Variants in CLYBL observed in about 807,000 individuals in gnomAD.
CLYBL encodes the protein citramalyl-CoA lyase, mitochondrial.
In CLYBL, 31 loss-of-function variants were observed where a neutral mutation model predicts 38.9. That is an observed-to-expected ratio of 0.80 (90% CI 0.60 to 1.08). The LOEUF is 1.08. CLYBL is among the 50% of genes least tolerant of loss of function. The probability of loss-of-function intolerance (pLI) is 0.00; values close to 1 mark genes in which losing one functional copy is unlikely to be tolerated. For missense variants in CLYBL, 434 were observed against 411.6 expected, an observed-to-expected ratio of 1.05 and a Z score of -0.47; for synonymous variants, 171 against 158.6, an observed-to-expected ratio of 1.08 and a Z score of -0.59.
At chr13:99,745,888 G>GAAA (rs11419451) in intron 1 of CLYBL, among the ~76,000 whole-genome samples, 1 of 147,708 alleles carries the variant, frequency 6.8e-6, no homozygotes, top group Non-Finnish European at 1.5e-5. Context: ...TGGCTAAATA[G>GAAA]AAAAAAAAAA....
intron 2 of CLYBL, among the ~76,000 whole-genome samples, chr13:99,774,388 G>A (rs1000165353): frequency 6.6e-6 from 1 of 152,154 alleles, no homozygotes; most frequent in Non-Finnish European, 1.5e-5. Flanking sequence ...GATTAGTTGA[G>A]ATATATAAAT....
intron 2 of CLYBL, among the ~76,000 whole-genome samples, chr13:99,787,661 T>TTCCTA (rs1566327222): frequency 1.3e-5 from 2 of 152,230 alleles, no homozygotes; most frequent in African/African-American, 4.8e-5. Context: ...TCTTTTGGCT[T>TTCCTA]AGGATTGACT....
intron 1 of CLYBL, among the ~76,000 whole-genome samples, chr13:99,655,608 T>G (rs1348645481): frequency 1.3e-5 from 2 of 152,192 alleles, no homozygotes; most frequent in African/African-American, 4.8e-5. Flanking sequence ...TTCATCCCAC[T>G]AAATAACACA....
At chr13:99,705,602 C>G (rs972969122) in intron 1 of CLYBL, among the ~76,000 whole-genome samples, 4 of 151,854 alleles carry the variant, frequency 2.6e-5, no homozygotes, top group African/African-American at 9.7e-5. Context: ...AATTCTGATA[C>G]CTGCTATAAC....
intron 1 of CLYBL, among the ~76,000 whole-genome samples, chr13:99,674,299 G>A (rs559754556): frequency 8.6e-5 from 13 of 151,652 alleles, no homozygotes; most frequent in African/African-American, 2.7e-4. Context: ...TTACAGGCAC[G>A]TGCCACCATG....
At chr13:99,733,944 A>C (rs2048629364) in intron 1 of CLYBL, among the ~76,000 whole-genome samples, 2 of 152,208 alleles carry the variant, frequency 1.3e-5, no homozygotes, top group South Asian at 4.1e-4. Flanking sequence ...GAAAGAAGAA[A>C]GTTCTAATGG....
chr13:99,835,770 T>C (rs765522344), intron 2 of CLYBL, among the ~76,000 whole-genome samples: 36 of 152,172 alleles, frequency 2.4e-4, no homozygotes, highest in Non-Finnish European at 3.1e-4. Flanking sequence ...AAGGCCTTTT[T>C]CCCCCAGCAA....
chr13:99,838,194 A>G (rs1336339179), intron 2 of CLYBL, among the ~76,000 whole-genome samples: 1 of 152,214 alleles, frequency 6.6e-6, no homozygotes, highest in Non-Finnish European at 1.5e-5. Flanking sequence ...GAAAGCTTTT[A>G]TATTTAAAAC....
intron 1 of CLYBL, among the ~76,000 whole-genome samples, chr13:99,770,076 C>CTTTTTTTTTTTTTT (rs68172402): frequency 2.5e-5 from 3 of 121,962 alleles, no homozygotes; most frequent in Middle Eastern, 4.7e-3. Flanking sequence ...TTTTTCTTTT[C>CTTTTTTTTTTTTTT]TTTCTTTTTT....
intron 7 of CLYBL, among the ~76,000 whole-genome samples, chr13:99,883,140 C>T (rs1039511946): frequency 2.0e-5 from 3 of 152,170 alleles, no homozygotes; most frequent in Non-Finnish European, 4.4e-5. Flanking sequence ...GTAGCAAGAA[C>T]AGGAACCCCA....
chr13:99,769,698 C>T (rs534216344), intron 1 of CLYBL, among the ~76,000 whole-genome samples: 1 of 152,256 alleles, frequency 6.6e-6, no homozygotes, highest in African/African-American at 2.4e-5. Flanking sequence ...GTTTCGTAAG[C>T]CATGTACACT....
rs1413875104 is a variant in CLYBL at position 99,806,749 on chromosome 13, C to T, written c.249+33739C>T. Among the ~76,000 whole-genome samples, 52 of 152,220 alleles carry T rather than the reference C, an allele frequency of 3.4e-4. 1 individual carries two copies. Among genetic ancestry groups the T allele is most frequent in the Admixed American group, 3.4e-3 (52 of 15,282 alleles). On this transcript the variant is annotated intron_variant, in intron 2 of 8. Coordinates refer to ENST00000339105, the MANE Select transcript of CLYBL (RefSeq NM_206808.5). Reference sequence around the variant, plus strand: ...ACTGTTATTATGTAGAGCCATTCGTCTGATTTTTCCTCCTCTTACCATATT... The same window carrying T: ...ACTGTTATTATGTAGAGCCATTCGTTTGATTTTTCCTCCTCTTACCATATT...
intron 1 of CLYBL, among the ~76,000 whole-genome samples, chr13:99,752,520 G>T (rs1454382645): frequency 6.6e-6 from 1 of 152,098 alleles, no homozygotes; most frequent in Non-Finnish European, 1.5e-5. Context: ...TAGGAAAATG[G>T]ACAGTGACCA....
intron 2 of CLYBL, among the ~76,000 whole-genome samples, chr13:99,798,337 G>A (rs2050063883): frequency 6.6e-6 from 1 of 152,194 alleles, no homozygotes. Context: ...ATGGGATCAT[G>A]TTTGGGCTCG....
At position 99,720,288 on chromosome 13, in the gene CLYBL, G is replaced by T. The variant is rs541600998; in HGVS notation, c.63-52536G>T. Among the ~76,000 whole-genome samples the T allele has an allele frequency of 4.6e-5, 7 of 152,128 alleles. No homozygotes were observed. The South Asian group carries it at 1.5e-3, about 32-fold the overall frequency. On this transcript the variant is annotated intron_variant, in intron 1 of 8. Transcript: ENST00000339105. ...CTCTCCTTCTGATCAAAATGCCTCG[G>T]AATATTTTGGCTCTGATATTCACTC...
chr13:99,819,788 A>T (rs1476964305), intron 2 of CLYBL, among the ~76,000 whole-genome samples: 1 of 151,866 alleles, frequency 6.6e-6, no homozygotes, highest in Non-Finnish European at 1.5e-5. Flanking sequence ...TTTTTATTCT[A>T]TTTAAGCCCT....
downstream of CLYBL, among the ~76,000 whole-genome samples, chr13:99,898,492 C>G (rs2052607665): frequency 6.6e-6 from 1 of 152,196 alleles, no homozygotes; most frequent in Admixed American, 6.5e-5. Flanking sequence ...AGGGCACATC[C>G]ATTTTTCCCC....
chr13:99,623,307 G>A (rs1307642979), intron 1 of CLYBL, among the ~76,000 whole-genome samples: 1 of 152,188 alleles, frequency 6.6e-6, no homozygotes, highest in Non-Finnish European at 1.5e-5. Flanking sequence ...TAGTAGATGT[G>A]AAGTTGTATT....
At position 99,849,440 on chromosome 13, in the gene CLYBL, G is replaced by C. The variant is rs1183676109; in HGVS notation, c.250-9421G>C. 6.6e-6 allele frequency among the ~76,000 whole-genome samples: 1 copy of C among 152,194 alleles called. No homozygotes were observed. Among genetic ancestry groups the C allele is most frequent in the African/African-American group, 2.4e-5 (1 of 41,440 alleles). ...AGGCGAGCGGATTGCTGGGGCCTAGGAGTTCGAGGCAGCAGTGAGCCATGA... is the reference window on the plus strand; with the variant it reads ...AGGCGAGCGGATTGCTGGGGCCTAGCAGTTCGAGGCAGCAGTGAGCCATGA... On this transcript the variant is annotated intron_variant, in intron 2 of 8. Transcript: ENST00000339105. The surrounding 1 kb of genome is among the most constrained non-coding windows in gnomAD (Gnocchi z 4.9).
Sources: allele counts gnomAD v4.1 joint callset (sites outside exome capture counted in the v4.1 genomes callset), GRCh38; gene constraint gnomAD v4.1.1; non-coding constraint Gnocchi (gnomAD v3.1); transcripts MANE v1.5; gene names NCBI Gene and HGNC (gene_info 2026-07-23, HGNC 2026-07-21).